Variants in PHACTR3 observed in about 807,000 individuals in gnomAD.
The protein encoded by PHACTR3 is phosphatase and actin regulator 3.
A neutral mutation model predicts 66.8 loss-of-function variants in PHACTR3; 16 were observed. That is an observed-to-expected ratio of 0.24 (90% confidence interval 0.16 to 0.36). The LOEUF is 0.36. Ranked by LOEUF, PHACTR3 falls within the 10% of genes least tolerant of loss-of-function variation. PHACTR3 has a pLI of 1.00. For missense variants in PHACTR3, 647 were observed against 719.9 expected (o/e 0.90, Z 1.16); for synonymous variants, 323 against 292.1 (o/e 1.11, Z -1.08).
At chr20:59,809,452 T>C (rs1306571697) in intron 8 of PHACTR3, among the ~76,000 whole-genome samples, 1 of 152,214 alleles carries the variant, frequency 6.6e-6, no homozygotes, top group African/African-American at 2.4e-5. Flanking sequence ...GGTTGAGCAT[T>C]ATTTTCAGCG....
intron 1 of PHACTR3, among the ~76,000 whole-genome samples, chr20:59,664,000 AT>A (rs1391251863): frequency 6.6e-6 from 1 of 152,242 alleles, no homozygotes; most frequent in Non-Finnish European, 1.5e-5. Flanking sequence ...ACTCTTTAGC[AT>A]AATTTATTGA....
chr20:59,826,628 T>A (rs1423905800), intron 8 of PHACTR3, among the ~76,000 whole-genome samples: 1 of 151,772 alleles, frequency 6.6e-6, no homozygotes, highest in Non-Finnish European at 1.5e-5. Context: ...CTGCCTCTCA[T>A]ACCCACTCTC....
rs1272150004 is a variant in PHACTR3 at position 59,836,536 on chromosome 20, C to T, written c.1360C>T (p.Leu454=). The T allele has an allele frequency of 1.9e-6, 3 of 1,611,526 alleles. No individual in the cohort carries two copies. The South Asian group carries it at 3.3e-5, about 18-fold the overall frequency. ...GAGCCAAAGACCTGCCGTGGAAGAG[C>T]TGGAGAGAAGAAATATCTTGAAACG... ...RLSQRPAVEE[L]ERRNILKQRN... Residue 454 remains leucine (L), a synonymous_variant, in exon 9 of 13, where the codon CTG becomes TTG. Transcript: ENST00000371015.
chr20:59,640,317 A>G (rs931755121), intron 1 of PHACTR3, among the ~76,000 whole-genome samples: 1 of 152,326 alleles, frequency 6.6e-6, no homozygotes, highest in Admixed American at 6.5e-5. Context: ...TAGTTGGGCT[A>G]GGTCATGTGC....
intron 1 of PHACTR3, among the ~76,000 whole-genome samples, chr20:59,684,254 G>A (rs897647411): frequency 6.6e-6 from 1 of 152,124 alleles, no homozygotes; most frequent in Non-Finnish European, 1.5e-5. Flanking sequence ...TTCTTTTTCA[G>A]TTTATATATT....
At chr20:59,796,660 C>T (rs761630324) in intron 7 of PHACTR3, among the ~76,000 whole-genome samples, 1 of 152,134 alleles carries the variant, frequency 6.6e-6, no homozygotes, top group Non-Finnish European at 1.5e-5. Context: ...TTTTCCCCCT[C>T]TCTTATCATC....
At chr20:59,784,005 A>G (rs1204496952) in intron 7 of PHACTR3, among the ~76,000 whole-genome samples, 1 of 152,186 alleles carries the variant, frequency 6.6e-6, no homozygotes, top group Non-Finnish European at 1.5e-5. Flanking sequence ...CTCTTGGCTG[A>G]GCTGTTCCAC....
At position 59,742,383 on chromosome 20, in the gene PHACTR3, C is replaced by T. The variant is rs570182740; in HGVS notation, c.119-724C>T. On this transcript the variant is annotated intron_variant, in intron 1 of 12. Coordinates refer to ENST00000371015, the MANE Select transcript of PHACTR3 (RefSeq NM_080672.5). Reference sequence around the variant, plus strand: ...GAGCTTCCTAGGACGTTCATCTTCACGTGTCCCAGAGTCTACAAACATGGC... The same window carrying T: ...GAGCTTCCTAGGACGTTCATCTTCATGTGTCCCAGAGTCTACAAACATGGC... 1.5e-3 allele frequency among the ~76,000 whole-genome samples: 221 copies of T among 152,330 alleles called. 4 individuals are homozygous for T. The highest frequency in any genetic ancestry group is 5.0e-3 in the African/African-American group (209 of 41,568).
intron 1 of PHACTR3, among the ~76,000 whole-genome samples, chr20:59,640,143 C>T (rs114532429): frequency 0.04 from 6,043 of 152,292 alleles, 189 homozygotes; most frequent in South Asian, 0.1. Flanking sequence ...TGGGTCAGCC[C>T]GTCAGCAGCT....
chr20:59,642,461 C>T lies in PHACTR3; in HGVS notation c.118+37329C>T, dbSNP rs1600990286. Among the ~76,000 whole-genome samples the T allele has an allele frequency of 2.6e-5, 3 of 113,482 alleles. No homozygotes were observed. In the South Asian group the frequency reaches 9.4e-4, roughly 35 times the overall value. 74.4% of individuals were successfully genotyped at this position (113,482 alleles called of 152,430 possible). A position where few individuals can be genotyped will look rare whatever the true frequency, so the allele number is the denominator to read the frequency against. Reference sequence around the variant, plus strand: ...CCCTGTGGCTACTTTTGTGTGTGTTCCTCCAGTACTTTTCCTATAGAAACA... The same window carrying T: ...CCCTGTGGCTACTTTTGTGTGTGTTTCTCCAGTACTTTTCCTATAGAAACA... On this transcript the variant is annotated intron_variant, in intron 1 of 12. Coordinates refer to ENST00000371015, the MANE Select transcript of PHACTR3 (RefSeq NM_080672.5).
intron 1 of PHACTR3, among the ~76,000 whole-genome samples, chr20:59,631,068 A>C (rs1024441384): frequency 3.3e-5 from 5 of 152,180 alleles, no homozygotes; most frequent in African/African-American, 1.2e-4. Context: ...TGGAAGTTAA[A>C]GTGTGCGTTG....
chr20:59,581,545 G>A (rs2032857655), intron 1 of PHACTR3, among the ~76,000 whole-genome samples: 1 of 152,270 alleles, frequency 6.6e-6, no homozygotes, highest in African/African-American at 2.4e-5. Context: ...TAAGTTGATC[G>A]CTCCGTTTTT....
intron 1 of PHACTR3, among the ~76,000 whole-genome samples, chr20:59,585,930 G>T (rs879294028): frequency 6.6e-6 from 1 of 152,226 alleles, no homozygotes; most frequent in African/African-American, 2.4e-5. Context: ...GTCTCTCAGC[G>T]GTGGAAGCTG....
At chr20:59,584,259 T>C (rs888660349) in intron 1 of PHACTR3, among the ~76,000 whole-genome samples, 1 of 152,022 alleles carries the variant, frequency 6.6e-6, no homozygotes, top group East Asian at 1.9e-4. Flanking sequence ...TGTGTGTGTA[T>C]GCATGTGTTT....
rs916529625 is a variant in PHACTR3 at position 59,736,562 on chromosome 20, C to G, written c.119-6545C>G. Among the ~76,000 whole-genome samples the G allele has an allele frequency of 9.2e-5, 14 of 151,800 alleles. No individual in the cohort carries two copies. The highest frequency in any genetic ancestry group is 3.4e-4 in the African/African-American group (14 of 41,342). ...CGTGTAGGTGCACACCCACCCATGC[C>G]CATGCATGCTGGCTCTGCAGTTGCT... On this transcript the variant is annotated intron_variant, in intron 1 of 12. Transcript: ENST00000371015. This position sits in a 1 kb window ranked among gnomAD's most constrained non-coding sequence, Gnocchi z 4.6.
intron 1 of PHACTR3, among the ~76,000 whole-genome samples, chr20:59,670,615 G>GGGCT (rs1568692773): frequency 7.7e-6 from 1 of 129,042 alleles, no homozygotes; most frequent in Admixed American, 8.1e-5. Flanking sequence ...TGGGGGGGGG[G>GGGCT]GGCAGGCACT....
intron 7 of PHACTR3, among the ~76,000 whole-genome samples, chr20:59,775,024 G>C (rs979056706): frequency 2.0e-5 from 3 of 152,190 alleles, no homozygotes; most frequent in Non-Finnish European, 4.4e-5. Context: ...GCTTGTTTGG[G>C]AGCAGATGCT....
chr20:59,812,994 C>T (rs1457798517), intron 8 of PHACTR3, among the ~76,000 whole-genome samples: 3 of 152,162 alleles, frequency 2.0e-5, no homozygotes, highest in Non-Finnish European at 2.9e-5. Context: ...TGCCTGAGGC[C>T]AAGCATCCGG....
chr20:59,754,537 C>T (rs1440765375), intron 3 of PHACTR3, among the ~76,000 whole-genome samples: 3 of 152,204 alleles, frequency 2.0e-5, no homozygotes, highest in Admixed American at 2.0e-4. Context: ...GACACGTAGC[C>T]GGTGATCAGT....
Sources: gnomAD v4.1 joint callset for allele counts (sites outside exome capture counted in the v4.1 genomes callset) on GRCh38, gnomAD v4.1.1 for gene constraint, Gnocchi (gnomAD v3.1) non-coding constraint, MANE v1.5 for transcripts, NCBI Gene and HGNC (gene_info 2026-07-23, HGNC 2026-07-21) for gene names.